RBM4B: variants seen among roughly 807,000 people sequenced by gnomAD.
RBM4B encodes the protein RNA binding motif protein 4B.
Under a neutral mutation model 28.5 loss-of-function variants are expected in RBM4B, and 13 were observed. The observed-to-expected ratio is 0.46, with a 90% CI of 0.30 to 0.72. The LOEUF (loss-of-function observed/expected upper bound fraction) is 0.72. RBM4B is among the 30% of genes least tolerant of loss of function. The probability of loss-of-function intolerance (pLI) is 0.09; values close to 1 mark genes in which losing one functional copy is unlikely to be tolerated. For synonymous variants in RBM4B, 167 were observed against 179.1 expected (o/e 0.93, Z 0.54); for missense variants, 387 against 477.6 (o/e 0.81, Z 1.77).
At chr11:66,669,930 G>A (rs1939408949) in intron 2 of RBM4B, among the ~76,000 whole-genome samples, 1 of 152,164 alleles carries the variant, frequency 6.6e-6, no homozygotes, top group African/African-American at 2.4e-5. Context: ...GTTATTACTT[G>A]TAATGATTCA....
intron 2 of RBM4B, chr11:66,676,077 A>G (rs1939627038): frequency 6.5e-6 from 1 of 152,902 alleles, no homozygotes; most frequent in Non-Finnish European, 1.5e-5. Flanking sequence ...TGAGGGTGAA[A>G]TGAACAGGTG....
Position 66,665,520 on chromosome 11 carries a change from C to T in RBM4B, c.*68G>A. On this transcript the variant is annotated 3_prime_UTR_variant, in exon 4 of 4. Coordinates refer to ENST00000310046, the MANE Select transcript of RBM4B (RefSeq NM_031492.4). The stretch of plus-strand genomic sequence containing the variant: ...GGAAACATCCCGGCAAAGGGGACCG[C>T]GCGGAGCAAGTTCTCATATATGACC... 2 of 1,349,834 alleles carry T rather than the reference C, an allele frequency of 1.5e-6. No individual in the cohort carries two copies. The highest frequency in any genetic ancestry group is 2.5e-5 in the East Asian group (1 of 40,054). The allele number at this position is 1,349,834 out of a possible 1,614,324, so 83.6% of individuals were successfully genotyped here. A position where few individuals can be genotyped will look rare whatever the true frequency, so the allele number is the denominator to read the frequency against.
intron 3 of RBM4B, 77 bp from the exon 4 acceptor site, chr11:66,665,655 C>T: frequency 6.5e-7 from 1 of 1,531,424 alleles, no homozygotes; most frequent in Non-Finnish European, 8.7e-7. Context: ...CGCCCTGGGT[C>T]CTGTCCTGTA....
chr11:66,676,404 G>A, intron 2 of RBM4B: 4 of 566,122 alleles, frequency 7.1e-6, no homozygotes, highest in Non-Finnish European at 1.2e-5. Flanking sequence ...AACAGCACTC[G>A]AATCAATGCA....
chr11:66,667,426 A>T (rs2135230476), intron 3 of RBM4B: 1 of 152,294 alleles, frequency 6.6e-6, no homozygotes, highest in African/African-American at 2.4e-5. Context: ...CTTCAACAAC[A>T]AAAAACACAA....
chr11:66,675,699 A>C (rs894735860), intron 2 of RBM4B: 9 of 152,352 alleles, frequency 5.9e-5, no homozygotes, highest in African/African-American at 2.2e-4. Context: ...CTGTTAACAA[A>C]ACACTTGTAG....
intron 3 of RBM4B, chr11:66,666,051 C>T (rs1939220316): frequency 8.3e-7 from 1 of 1,204,500 alleles, no homozygotes; most frequent in Non-Finnish European, 1.2e-6. Flanking sequence ...ATGATGGTCA[C>T]AAGGGGTAGG....
Position 66,668,604 on chromosome 11 carries a change from C to G in RBM4B, c.*9+11G>C. On this transcript the variant is annotated intron_variant, in intron 3 of 3. Coordinates refer to ENST00000310046, the MANE Select transcript of RBM4B (RefSeq NM_031492.4). ...AATGGAATCTTTTAACCATTCCCAC[C>G]CATCTCTCACCTCCAGTTTTTAAAA... The G allele has an allele frequency of 6.3e-7, 1 of 1,581,044 alleles. No homozygotes were observed. The highest frequency in any genetic ancestry group is 8.6e-7 in the Non-Finnish European group (1 of 1,157,184).
At chr11:66,668,371 C>A in intron 3 of RBM4B, 1 of 461,496 alleles carries the variant, frequency 2.2e-6, no homozygotes, top group Non-Finnish European at 3.9e-6. Context: ...AGAATGTTCT[C>A]ACTAACAAAC....
chr11:66,674,223 T>C (rs6591221), intron 2 of RBM4B, among the ~76,000 whole-genome samples: 61,906 of 146,670 alleles, frequency 0.42, 14,746 homozygotes, highest in South Asian at 0.59. Context: ...TCTTTTTCTT[T>C]TCTTTCTTTT....
In RBM4B at chr11:66,672,894, G is replaced by T. The variant is rs80217764; in HGVS notation, c.413-3603C>A. On this transcript the variant is annotated intron_variant, in intron 2 of 3. Coordinates refer to ENST00000310046, the MANE Select transcript of RBM4B (RefSeq NM_031492.4). ...TTAAGGAACCAGGGCAAAGAAAAAT[G>T]AAAGATTAATTCTTCTACTCTACTA... Among the ~76,000 whole-genome samples the T allele has an allele frequency of 8.8e-3, 1,347 of 152,274 alleles. 23 individuals carry two copies. The highest frequency in any genetic ancestry group is 0.03 in the African/African-American group (1,253 of 41,536).
Position 66,669,184 on chromosome 11 carries a change from C to T in RBM4B, c.520G>A (p.Glu174Lys). 6.2e-7 allele frequency: 1 copy of T among 1,614,160 alleles called. No homozygotes were observed. Among genetic ancestry groups the T allele is most frequent in the Non-Finnish European group, 8.5e-7 (1 of 1,179,978 alleles). ...CGACCCGTACGATCTACTGGGCACT[C>T]TTTGGACCAGTGCCCTTCTTTCCCA... The part of the protein sequence containing the change: ...RCGKEGHWSK[E>K]CPVDRTGRVA... The change falls in exon 3 of 4, where the codon GAG becomes AAG. Residue 174 changes from glutamate (E) to lysine (K), a missense_variant. By Grantham distance (56) the Glu-to-Lys change is moderately conservative. Transcript: ENST00000310046.
chr11:66,670,480 G>C (rs555024585), intron 2 of RBM4B, among the ~76,000 whole-genome samples: 2 of 152,202 alleles, frequency 1.3e-5, no homozygotes, highest in African/African-American at 4.8e-5. Context: ...TTGGCTTCCA[G>C]GAAATGACCA....
chr11:66,667,704 T>G (rs1939289876), intron 3 of RBM4B: 1 of 149,680 alleles, frequency 6.7e-6, no homozygotes, highest in Non-Finnish European at 1.5e-5. Flanking sequence ...GTAGGTTTTT[T>G]TTTTTTTTTA....
At chr11:66,668,397 C>T (rs1939325968) in intron 3 of RBM4B, 2 of 499,712 alleles carry the variant, frequency 4.0e-6, no homozygotes, top group African/African-American at 3.8e-5. Flanking sequence ...TTGTTGTTCT[C>T]TCAGAAGGAA....
chr11:66,668,138 G>A (rs891003180), intron 3 of RBM4B: 1 of 162,480 alleles, frequency 6.2e-6, no homozygotes, highest in Non-Finnish European at 1.4e-5. Context: ...GAGCGAGTAT[G>A]GGTTTTGGTA....
intron 3 of RBM4B, chr11:66,668,273 T>C (rs779373266): frequency 1.0e-5 from 2 of 199,682 alleles, no homozygotes; most frequent in East Asian, 2.2e-4. Context: ...TTCAGTCTTA[T>C]CGTGTAGATG....
intron 2 of RBM4B, among the ~76,000 whole-genome samples, chr11:66,674,116 T>TGC (rs372794065): frequency 1.3e-5 from 2 of 152,160 alleles, no homozygotes; most frequent in Non-Finnish European, 2.9e-5. Context: ...TAATTATACC[T>TGC]GCCTTATTAA....
At chr11:66,671,250 C>A (rs1244197668) in intron 2 of RBM4B, among the ~76,000 whole-genome samples, 2 of 152,150 alleles carry the variant, frequency 1.3e-5, no homozygotes, top group South Asian at 4.1e-4. Flanking sequence ...TTTTGCCATC[C>A]CATTGTTTTC....
Sources: allele counts gnomAD v4.1 joint callset (sites outside exome capture counted in the v4.1 genomes callset), GRCh38; gene constraint gnomAD v4.1.1; transcripts MANE v1.5; gene names NCBI Gene and HGNC (gene_info 2026-07-23, HGNC 2026-07-21).